VAV2: variants seen among roughly 807,000 people sequenced by gnomAD.
VAV2 encodes the protein vav guanine nucleotide exchange factor 2.
VAV2 carries 67 observed loss-of-function variants against 132.5 expected under a neutral mutation model. That is an observed-to-expected ratio of 0.51 (90% confidence interval 0.42 to 0.62). The LOEUF (loss-of-function observed/expected upper bound fraction) is 0.62, where lower values mean the gene tolerates loss of function less well. VAV2 is among the 20% of genes least tolerant of loss of function. The pLI, the probability that VAV2 is intolerant of heterozygous loss-of-function variation, is 0.00. For missense variants in VAV2, 938 were observed against 1,153.6 expected (o/e 0.81, Z 2.71); for synonymous variants, 492 against 443.5 (o/e 1.11, Z -1.37).
chr9:133,989,352 A>C (rs1448496782), intron 1 of VAV2, among the ~76,000 whole-genome samples: 3 of 150,162 alleles, frequency 2.0e-5, no homozygotes, highest in Non-Finnish European at 3.0e-5. Context: ...AAAAAAAAAA[A>C]AACAAAAAAT....
intron 2 of VAV2, among the ~76,000 whole-genome samples, chr9:133,893,341 G>A (rs188622085): frequency 2.3e-3 from 353 of 152,332 alleles, no homozygotes; most frequent in Middle Eastern, 6.8e-3. Context: ...AAGGAGGCTC[G>A]GGTGGCGAAG....
intron 2 of VAV2, among the ~76,000 whole-genome samples, chr9:133,934,593 C>T (rs1486103944): frequency 1.3e-5 from 2 of 152,210 alleles, no homozygotes; most frequent in Non-Finnish European, 2.9e-5. Context: ...TGGTCTCCTG[C>T]CCCCAGACAT....
chr9:133,947,536 C>G (rs1038027074), intron 1 of VAV2, among the ~76,000 whole-genome samples: 2 of 151,996 alleles, frequency 1.3e-5, no homozygotes, highest in Admixed American at 1.3e-4. Context: ...CTCGTCTCTA[C>G]TAAAAATACA....
In VAV2 at chr9:133,928,332, T is replaced by C. The variant is rs918708651; in HGVS notation, c.321+10771A>G. Among the ~76,000 whole-genome samples the C allele has an allele frequency of 1.3e-5, 2 of 152,070 alleles. No individual in the cohort carries two copies. The highest frequency in any genetic ancestry group is 2.4e-5 in the African/African-American group (1 of 41,400). On this transcript the variant is annotated intron_variant, in intron 2 of 29. Transcript: ENST00000371850. This position sits in a 1 kb window ranked among gnomAD's most constrained non-coding sequence, Gnocchi z 5.4. ...AACAACTAGCAGATAAAAGAGGAAA[T>C]GTTTTCAAGCAGAAACTCTGAAGGC...
chr9:133,964,030 T>TATATATATACATATATATAC (rs1842051930), intron 1 of VAV2, among the ~76,000 whole-genome samples: 6 of 80,970 alleles, frequency 7.4e-5, no homozygotes, highest in South Asian at 5.5e-4. Context: ...TTCATATATA[T>TATATATATACATATATATAC]ATATATATAT....
intron 2 of VAV2, among the ~76,000 whole-genome samples, chr9:133,897,110 C>T (rs4406471): frequency 0.26 from 39,266 of 151,990 alleles, 5,344 homozygotes; most frequent in African/African-American, 0.32. Flanking sequence ...AAATCCCAAC[C>T]GAAACAGATG....
At chr9:133,890,044 C>T (rs1027062719) in intron 2 of VAV2, among the ~76,000 whole-genome samples, 1 of 152,230 alleles carries the variant, frequency 6.6e-6, no homozygotes, top group African/African-American at 2.4e-5. Flanking sequence ...TATGGGCACA[C>T]TCCGGGAGGC....
intron 3 of VAV2, among the ~76,000 whole-genome samples, chr9:133,856,898 C>CT (rs1395467883): frequency 6.6e-6 from 1 of 152,184 alleles, no homozygotes; most frequent in Non-Finnish European, 1.5e-5. Flanking sequence ...TCGTCACACT[C>CT]TCAGGGTTTG....
intron 1 of VAV2, among the ~76,000 whole-genome samples, chr9:133,977,279 T>C (rs890547564): frequency 1.3e-5 from 2 of 152,158 alleles, no homozygotes; most frequent in Admixed American, 6.5e-5. Context: ...ACAGCTCAGA[T>C]CTGAAGGGGG....
At chr9:133,889,117 T>G (rs1838829018) in intron 2 of VAV2, among the ~76,000 whole-genome samples, 1 of 152,136 alleles carries the variant, frequency 6.6e-6, no homozygotes. Context: ...CAGTGCTGCC[T>G]GCTCTTCCGC....
At chr9:133,809,304 C>T (rs1368881204) in intron 6 of VAV2, among the ~76,000 whole-genome samples, 166 bp from the exon 7 acceptor site, 1 of 152,150 alleles carries the variant, frequency 6.6e-6, no homozygotes, top group African/African-American at 2.4e-5. Flanking sequence ...ACAGAGAGGG[C>T]CAACCCCTTC....
intron 1 of VAV2, among the ~76,000 whole-genome samples, chr9:133,939,768 C>T (rs184838132): frequency 9.1e-4 from 139 of 152,386 alleles, no homozygotes; most frequent in African/African-American, 3.2e-3. Flanking sequence ...CACATCCTTC[C>T]TAATCACGGG....
intron 2 of VAV2, among the ~76,000 whole-genome samples, chr9:133,917,490 G>T (rs1840139964): frequency 7.7e-6 from 1 of 130,322 alleles, no homozygotes. Context: ...ATCGTTTCTA[G>T]TAAGTCACAA....
chr9:133,847,976 T>C (rs1837003881), intron 3 of VAV2, among the ~76,000 whole-genome samples: 1 of 152,082 alleles, frequency 6.6e-6, no homozygotes, highest in Non-Finnish European at 1.5e-5. Context: ...GGTCTCCTCA[T>C]GTAAAGATCC....
At position 133,788,021 on chromosome 9, in the gene VAV2, C is replaced by A. The variant is rs538003972; in HGVS notation, c.1407+333G>T. ...GAGTCAGGCTGGCCAGATGGAAAGC[C>A]AAGGTTGAAAGTCCCACCCTCACTA... On this transcript the variant is annotated intron_variant, in intron 15 of 29. Transcript: ENST00000371850. This position sits in a 1 kb window ranked among gnomAD's most constrained non-coding sequence, Gnocchi z 5.3. Among the ~76,000 whole-genome samples, 1 of 152,372 alleles carries A rather than the reference C, an allele frequency of 6.6e-6. No individual in the cohort carries two copies. The highest frequency in any genetic ancestry group is 1.5e-5 in the Non-Finnish European group (1 of 68,034).
intron 2 of VAV2, among the ~76,000 whole-genome samples, chr9:133,881,652 C>A (rs934833079): frequency 6.6e-6 from 1 of 152,230 alleles, no homozygotes; most frequent in Non-Finnish European, 1.5e-5. Flanking sequence ...TCCCAGACGT[C>A]CTTGAGGGTG....
intron 2 of VAV2, among the ~76,000 whole-genome samples, chr9:133,907,924 G>GCCC (rs1839728276): frequency 1.5e-5 from 1 of 68,718 alleles, no homozygotes; most frequent in African/African-American, 6.0e-5. Context: ...CTCCCACCAT[G>GCCC]CCCCCCTTCC....
intron 1 of VAV2, among the ~76,000 whole-genome samples, chr9:133,970,426 T>A (rs1408576426): frequency 1.3e-5 from 2 of 152,118 alleles, no homozygotes; most frequent in East Asian, 3.9e-4. Context: ...CCACCGAGGC[T>A]CACGGGACCT....
chr9:133,977,784 C>T (rs1842561166), intron 1 of VAV2, among the ~76,000 whole-genome samples: 1 of 152,242 alleles, frequency 6.6e-6, no homozygotes, highest in Non-Finnish European at 1.5e-5. Context: ...AAAACCAAAA[C>T]ATAGGCCTCA....
Sources: allele counts gnomAD v4.1 joint callset (sites outside exome capture counted in the v4.1 genomes callset), GRCh38; gene constraint gnomAD v4.1.1; non-coding constraint Gnocchi (gnomAD v3.1); transcripts MANE v1.5; gene names NCBI Gene and HGNC (gene_info 2026-07-23, HGNC 2026-07-21).